NPM1: variants seen among roughly 807,000 people sequenced by gnomAD.
NPM1 encodes the protein nucleophosmin 1, also known as nucleophosmin.
Under a neutral mutation model 44.1 loss-of-function variants are expected in NPM1, and 1 was observed. The observed-to-expected ratio is 0.02, with a 90% CI of 0.01 to 0.11. The LOEUF is 0.11. Among genes scored for constraint, NPM1 ranks in the 10% least tolerant of loss-of-function variants. The pLI is 1.00. For synonymous variants in NPM1, 126 were observed against 111.8 expected, an observed-to-expected ratio of 1.13 and a Z score of -0.80; for missense variants, 197 against 347.8, an observed-to-expected ratio of 0.57 and a Z score of 3.45.
chr5:171,405,562 T>G, intron 9 of NPM1, 159 bp downstream of exon 9: 2 of 631,818 alleles, frequency 3.2e-6, no homozygotes, highest in Non-Finnish European at 2.8e-6. Flanking sequence ...TATAAAACAT[T>G]TATAATCGTG....
At chr5:171,408,570 T>C (rs1026796591) in intron 10 of NPM1, among the ~76,000 whole-genome samples, 6 of 152,188 alleles carry the variant, frequency 3.9e-5, no homozygotes, top group African/African-American at 1.4e-4. Context: ...CGTAAAACCC[T>C]GATAATGGTT....
chr5:171,387,384 G>A (rs911543646), upstream of NPM1: 1 of 167,750 alleles, frequency 6.0e-6, no homozygotes, highest in African/African-American at 2.4e-5. Context: ...ACGCCTGTTT[G>A]GAGGCTTGCA....
intron 8 of NPM1, among the ~76,000 whole-genome samples, chr5:171,403,785 G>C (rs1771393799): frequency 8.4e-6 from 1 of 119,168 alleles, no homozygotes; most frequent in East Asian, 2.7e-4. Flanking sequence ...GGGCAGAGGG[G>C]CTCCTCACTT....
chr5:171,406,208 G>C (rs1026170137), intron 9 of NPM1, among the ~76,000 whole-genome samples: 1 of 152,060 alleles, frequency 6.6e-6, no homozygotes, highest in African/African-American at 2.4e-5. Flanking sequence ...TAGATTCCTT[G>C]TACAGTGATA....
Position 171,404,225 on chromosome 5 carries a change from CG to C in NPM1, c.670-1071del, listed in dbSNP as rs1259405858. Among the ~76,000 whole-genome samples the C allele has an allele frequency of 4.8e-5, 5 of 103,822 alleles. 1 individual carries two copies. The highest frequency in any genetic ancestry group is 1.9e-4 in the Admixed American group (2 of 10,600). The allele number at this position is 103,822 out of a possible 152,430, so 68.1% of individuals were successfully genotyped here. ...CTCCCAGATAGGGCGGCTGGCCGGG[CG>C]GGGGGTTGACCCCCCCCCACCTCCC... On this transcript the variant is annotated intron_variant, in intron 8 of 10. Coordinates refer to ENST00000296930, the MANE Select transcript of NPM1 (RefSeq NM_002520.7).
chr5:171,392,880 C>G (rs1466309742), intron 5 of NPM1, 34 bp from the exon 6 acceptor site: 14 of 1,612,686 alleles, frequency 8.7e-6, no homozygotes, highest in East Asian at 4.5e-5. Context: ...TAGAACAGCT[C>G]TTGTTCATGA....
At chr5:171,406,755 A>G in intron 9 of NPM1, 2 of 1,084,452 alleles carry the variant, frequency 1.8e-6, no homozygotes, top group Non-Finnish European at 2.3e-6. Flanking sequence ...AATAATTTTG[A>G]AATGGAAATT....
intron 10 of NPM1, 51 bp downstream of exon 10, chr5:171,407,825 A>G: frequency 2.6e-6 from 3 of 1,132,080 alleles, no homozygotes; most frequent in South Asian, 2.5e-5. Flanking sequence ...TTTGTGATTT[A>G]TTATGATTCT....
intron 1 of NPM1, 91 bp from the exon 2 acceptor site, chr5:171,389,960 C>G: frequency 1.4e-6 from 1 of 736,310 alleles, no homozygotes; most frequent in Non-Finnish European, 2.3e-6. Flanking sequence ...AAAACTAGTT[C>G]AAAAGTTAGA....
chr5:171,398,322 CTTTATA>C (rs1428619621), intron 6 of NPM1, among the ~76,000 whole-genome samples: 1 of 152,080 alleles, frequency 6.6e-6, no homozygotes, highest in African/African-American at 2.4e-5. Flanking sequence ...GAGTTTTGTC[CTTTATA>C]TTTAGGGCTT....
chr5:171,394,489 A>G (rs1770771675), intron 6 of NPM1, among the ~76,000 whole-genome samples: 1 of 151,910 alleles, frequency 6.6e-6, no homozygotes. Context: ...TTTTCTTGAG[A>G]TGGTGTTTTA....
chr5:171,399,640 C>T (rs938244938), intron 6 of NPM1, among the ~76,000 whole-genome samples: 1 of 151,602 alleles, frequency 6.6e-6, no homozygotes, highest in Non-Finnish European at 1.5e-5. Flanking sequence ...GTGTTTCCAT[C>T]TTGGCAATAT....
intron 8 of NPM1, among the ~76,000 whole-genome samples, chr5:171,402,966 T>TTTTC (rs1361088347): frequency 4.4e-5 from 5 of 114,330 alleles, no homozygotes; most frequent in African/African-American, 1.7e-4. Flanking sequence ...TTTTTTTTTT[T>TTTTC]CATTTTATTT....
chr5:171,396,450 A>G (rs1318216857), intron 6 of NPM1, among the ~76,000 whole-genome samples: 2 of 152,228 alleles, frequency 1.3e-5, no homozygotes, highest in Non-Finnish European at 2.9e-5. Context: ...TACTGACAAA[A>G]TCACTGTTAA....
chr5:171,395,962 A>ATT lies in NPM1; in HGVS notation c.524+2984_524+2985insTT, dbSNP rs200119475. 2.2e-3 allele frequency among the ~76,000 whole-genome samples: 287 copies of ATT among 133,480 alleles called. 4 individuals carry two copies. The highest frequency in any genetic ancestry group is 3.8e-3 in the Middle Eastern group (1 of 266). 87.6% of individuals were successfully genotyped at this position (133,480 alleles called of 152,430 possible). A position where few individuals can be genotyped will look rare whatever the true frequency, so the allele number is the denominator to read the frequency against. The stretch of plus-strand genomic sequence containing the variant: ...TTGGGGAATTTCTTAAGTAAAGCTG[A>ATT]ATTTTTTTTTTTTTTTTTGGAGACA... On this transcript the variant is annotated intron_variant, in intron 6 of 10. Coordinates refer to ENST00000296930, the MANE Select transcript of NPM1 (RefSeq NM_002520.7).
chr5:171,388,656 C>T, intron 1 of NPM1, among the ~76,000 whole-genome samples: 1 of 152,170 alleles, frequency 6.6e-6, no homozygotes, highest in East Asian at 1.9e-4. Flanking sequence ...CACTCGTGAG[C>T]CAGGGATGCT....
At chr5:171,391,919 G>T in intron 4 of NPM1, 120 bp downstream of exon 4, 1 of 498,758 alleles carries the variant, frequency 2.0e-6, no homozygotes, top group Non-Finnish European at 3.5e-6. Flanking sequence ...GTTCCAATGT[G>T]AGTCTAGAAA....
intron 6 of NPM1, among the ~76,000 whole-genome samples, chr5:171,396,005 T>C (rs1200024533): frequency 6.6e-6 from 1 of 150,380 alleles, no homozygotes; most frequent in Non-Finnish European, 1.5e-5. Flanking sequence ...TTGCCCCGGC[T>C]GAAGTGCATT....
At position 171,392,955 on chromosome 5, in the gene NPM1, T is replaced by C; in HGVS notation, c.501T>C (p.Asp167=). 6.2e-7 allele frequency: 1 copy of C among 1,609,180 alleles called. No individual in the cohort carries two copies. Among genetic ancestry groups the C allele is most frequent in the South Asian group, 1.1e-5 (1 of 90,924 alleles). Residue 167 remains aspartate (D), a synonymous_variant, in exon 6 of 11, where the codon GAT becomes GAC. Coordinates refer to ENST00000296930, the MANE Select transcript of NPM1 (RefSeq NM_002520.7). ...CTGCTGATGAAGATGATGACGATGA[T>C]GATGAAGAGGATGATGATGAAGAGT... ...KLAADEDDDD[D]DEEDDDEDDD...
Sources: gnomAD v4.1 joint callset for allele counts (sites outside exome capture counted in the v4.1 genomes callset) on GRCh38, gnomAD v4.1.1 for gene constraint, MANE v1.5 for transcripts, NCBI Gene and HGNC (gene_info 2026-07-23, HGNC 2026-07-21) for gene names.